FHIT: variants seen among roughly 807,000 people sequenced by gnomAD.
FHIT encodes bis(5'-adenosyl)-triphosphatase.
In FHIT, 19 loss-of-function variants were observed where a neutral mutation model predicts 17.9. The observed-to-expected ratio is 1.06, with a 90% CI of 0.74 to 1.56. The LOEUF (loss-of-function observed/expected upper bound fraction) is 1.56. Among genes scored for constraint, FHIT ranks in the 40% most tolerant of loss-of-function variants. The pLI is 0.00. For missense variants in FHIT, 248 were observed against 189.2 expected (o/e 1.31, Z -1.82); for synonymous variants, 81 against 69.7 (o/e 1.16, Z -0.81).
chr3:60,565,115 T>A (rs542005132), intron 4 of FHIT, among the ~76,000 whole-genome samples: 1 of 152,282 alleles, frequency 6.6e-6, no homozygotes, highest in African/African-American at 2.4e-5. Context: ...TTTTTAGCAA[T>A]AAAGTATTTT....
intron 5 of FHIT, among the ~76,000 whole-genome samples, chr3:60,230,181 C>A (rs1459487854): frequency 6.6e-6 from 1 of 152,136 alleles, no homozygotes; most frequent in East Asian, 1.9e-4. Flanking sequence ...TCACAAGAGC[C>A]ACACGCGGCC....
intron 8 of FHIT, among the ~76,000 whole-genome samples, chr3:59,915,477 T>G (rs1470787817): frequency 6.6e-6 from 1 of 152,190 alleles, no homozygotes; most frequent in Non-Finnish European, 1.5e-5. Context: ...TCCTTTGCCT[T>G]GAAGCTCAAC....
At chr3:60,570,977 T>C (rs976686267) in intron 4 of FHIT, among the ~76,000 whole-genome samples, 3 of 151,990 alleles carry the variant, frequency 2.0e-5, no homozygotes, top group African/African-American at 7.2e-5. Flanking sequence ...AGAGCAAAGC[T>C]TGGGGTACTT....
intron 5 of FHIT, among the ~76,000 whole-genome samples, chr3:60,281,155 G>A (rs1707431096): frequency 7.3e-6 from 1 of 136,310 alleles, no homozygotes; most frequent in South Asian, 2.3e-4. Flanking sequence ...ATATGTACAG[G>A]ATCTGTAAGG....
intron 1 of FHIT, among the ~76,000 whole-genome samples, chr3:61,232,907 TGTATTG>T (rs1400676065): frequency 1.3e-5 from 2 of 152,206 alleles, no homozygotes; most frequent in African/African-American, 2.4e-5. Context: ...CAGAACAATG[TGTATTG>T]TACAATATCT....
chr3:60,904,149 T>C (rs1447963762), intron 3 of FHIT, among the ~76,000 whole-genome samples: 1 of 152,226 alleles, frequency 6.6e-6, no homozygotes, highest in Admixed American at 6.5e-5. Flanking sequence ...TTTCATTTAT[T>C]CATCCATCCT....
At chr3:60,557,473 A>G (rs1317239852) in intron 4 of FHIT, among the ~76,000 whole-genome samples, 1 of 152,022 alleles carries the variant, frequency 6.6e-6, no homozygotes, top group Non-Finnish European at 1.5e-5. Flanking sequence ...CTACCCACAG[A>G]GTCTGTCTGT....
chr3:59,994,519 G>C (rs1699423921), intron 7 of FHIT, among the ~76,000 whole-genome samples: 1 of 152,088 alleles, frequency 6.6e-6, no homozygotes, highest in African/African-American at 2.4e-5. Context: ...TCTTCTTGCA[G>C]CTCTGGTAAT....
chr3:60,898,623 A>C (rs1048036217), intron 3 of FHIT, among the ~76,000 whole-genome samples: 3 of 152,208 alleles, frequency 2.0e-5, no homozygotes, highest in Non-Finnish European at 4.4e-5. Context: ...AAACTCTGTA[A>C]ACCTGTTCCT....
chr3:60,657,845 AT>A lies in FHIT; in HGVS notation c.-17-120867del, dbSNP rs537109324. Among the ~76,000 whole-genome samples the A allele has an allele frequency of 1.3e-3, 195 of 152,294 alleles. 1 individual carries two copies. The highest frequency in any genetic ancestry group is 4.5e-3 in the African/African-American group (189 of 41,562). On this transcript the variant is annotated intron_variant, in intron 4 of 9. Coordinates refer to ENST00000492590, the MANE Select transcript of FHIT (RefSeq NM_002012.4). Reference sequence around the variant, plus strand: ...CATGGCCTGCCTTTAGGTACATTTCATAACAATGTATCCAATTTTCCTGATC... The same window carrying A: ...CATGGCCTGCCTTTAGGTACATTTCAAACAATGTATCCAATTTTCCTGATC...
chr3:59,784,912 G>T lies in FHIT; in HGVS notation c.349-32591C>A, dbSNP rs116215279. On this transcript the variant is annotated intron_variant, in intron 8 of 9. Coordinates refer to ENST00000492590, the MANE Select transcript of FHIT (RefSeq NM_002012.4). The stretch of plus-strand genomic sequence containing the variant: ...GAGACAGGGTAGTTTATAAAGAAAA[G>T]AGGTTTAGTTGGCCCATAGTTCTGC... 4.5e-3 allele frequency among the ~76,000 whole-genome samples: 692 copies of T among 152,282 alleles called. 3 individuals are homozygous for T. Among genetic ancestry groups the T allele is most frequent in the Middle Eastern group, 0.014 (4 of 294 alleles).
chr3:60,319,835 C>A (rs577207531), intron 5 of FHIT, among the ~76,000 whole-genome samples: 2 of 152,060 alleles, frequency 1.3e-5, no homozygotes, highest in African/African-American at 4.8e-5. Flanking sequence ...GGATGGACTC[C>A]TGGTTCTGAG....
chr3:60,320,797 TGGAGGAACATA>T (rs1559817082), intron 5 of FHIT, among the ~76,000 whole-genome samples: 2 of 152,196 alleles, frequency 1.3e-5, no homozygotes, highest in African/African-American at 4.8e-5. Flanking sequence ...AAATTTGAAA[TGGAGGAACATA>T]TTAATATTTT....
At chr3:60,329,822 A>G (rs1006075893) in intron 5 of FHIT, among the ~76,000 whole-genome samples, 3 of 152,214 alleles carry the variant, frequency 2.0e-5, no homozygotes, top group Non-Finnish European at 4.4e-5. Flanking sequence ...TCAGAAGACT[A>G]GACACACACT....
At chr3:60,758,616 G>A (rs1010995684) in intron 4 of FHIT, among the ~76,000 whole-genome samples, 3 of 152,180 alleles carry the variant, frequency 2.0e-5, no homozygotes. Flanking sequence ...GTGGTCATCA[G>A]TATTTGATTT....
chr3:59,920,882 C>T (rs773273712), intron 8 of FHIT, among the ~76,000 whole-genome samples: 3 of 152,150 alleles, frequency 2.0e-5, no homozygotes, highest in Non-Finnish European at 4.4e-5. Flanking sequence ...CAGAAAATGG[C>T]TTTGTAAAAC....
At chr3:60,545,428 T>G (rs954644106) in intron 4 of FHIT, among the ~76,000 whole-genome samples, 2 of 152,208 alleles carry the variant, frequency 1.3e-5, no homozygotes, top group Non-Finnish European at 2.9e-5. Context: ...GCAGTTTTTC[T>G]AGTTACTTGA....
intron 5 of FHIT, among the ~76,000 whole-genome samples, chr3:60,502,562 C>G (rs895401184): frequency 3.3e-5 from 5 of 152,142 alleles, no homozygotes; most frequent in Non-Finnish European, 5.9e-5. Context: ...AGCAACTCCC[C>G]CAGTGCTTAG....
chr3:60,166,689 A>G (rs1701189928), intron 5 of FHIT, among the ~76,000 whole-genome samples: 1 of 152,186 alleles, frequency 6.6e-6, no homozygotes, highest in African/African-American at 2.4e-5. Context: ...AATGTCACAG[A>G]CAGATGGACA....
Sources: gnomAD v4.1 joint callset for allele counts (sites outside exome capture counted in the v4.1 genomes callset) on GRCh38, gnomAD v4.1.1 for gene constraint, MANE v1.5 for transcripts, NCBI Gene and HGNC (gene_info 2026-07-23, HGNC 2026-07-21) for gene names.